Variants in TNS3 observed in about 807,000 individuals in gnomAD.
The protein encoded by TNS3 is tensin-3.
TNS3 carries 45 observed loss-of-function variants against 140.9 expected under a neutral mutation model. The observed-to-expected ratio is 0.32, with a 90% CI of 0.25 to 0.41. TNS3 has a LOEUF of 0.41. Among genes scored for constraint, TNS3 ranks in the 10% least tolerant of loss-of-function variants. TNS3 has a pLI of 1.00. For missense variants in TNS3, 1,716 were observed against 1,906.7 expected (o/e 0.90, Z 1.86); for synonymous variants, 815 against 788.4 (o/e 1.03, Z -0.56).
At chr7:47,292,610 G>A (rs898019193) in intron 26 of TNS3, among the ~76,000 whole-genome samples, 4 of 152,190 alleles carry the variant, frequency 2.6e-5, no homozygotes, top group African/African-American at 9.6e-5. Flanking sequence ...CAAAATCCAT[G>A]ATGTAAAGCT....
At chr7:47,505,159 A>T (rs56937912) in intron 3 of TNS3, among the ~76,000 whole-genome samples, 23,715 of 152,064 alleles carry the variant, frequency 0.16, 2,267 homozygotes, top group East Asian at 0.31. Flanking sequence ...AGGTGCAAGC[A>T]ATGCGGACAA....
intron 10 of TNS3, among the ~76,000 whole-genome samples, chr7:47,421,973 C>T (rs1794395483): frequency 6.6e-6 from 1 of 152,190 alleles, no homozygotes; most frequent in South Asian, 2.1e-4. Context: ...GCAGCGCACC[C>T]ATCCCACTCC....
chr7:47,518,401 C>T (rs1157987985), intron 2 of TNS3, among the ~76,000 whole-genome samples: 6 of 152,208 alleles, frequency 3.9e-5, no homozygotes, highest in African/African-American at 1.2e-4. Flanking sequence ...CACCTCCCCA[C>T]GCCAGATCTG....
intron 16 of TNS3, among the ~76,000 whole-genome samples, chr7:47,382,961 T>G (rs1791860491): frequency 6.6e-6 from 1 of 152,130 alleles, no homozygotes; most frequent in Non-Finnish European, 1.5e-5. Flanking sequence ...GGCAGTATGT[T>G]TAGTGCCACT....
In TNS3 at chr7:47,564,635, C is replaced by CAAA. The variant is rs749603752; in HGVS notation, c.-265+17413_-265+17415dup. ...TGGGCAACAGAGCAAGACTCCGTCT[C>CAAA]AAAAAAAAAAAAAACAAAAAAAAAC... On this transcript the variant is annotated intron_variant, in intron 1 of 30. Coordinates refer to ENST00000311160, the MANE Select transcript of TNS3 (RefSeq NM_022748.12). Among the ~76,000 whole-genome samples the CAAA allele has an allele frequency of 3.3e-3, 100 of 30,104 alleles. 2 individuals carry two copies. Among genetic ancestry groups the CAAA allele is most frequent in the East Asian group, 4.9e-3 (3 of 618 alleles). 19.7% of individuals were successfully genotyped at this position (30,104 alleles called of 152,430 possible).
intron 2 of TNS3, 75 bp from the exon 3 acceptor site, chr7:47,507,019 C>T: frequency 8.4e-7 from 1 of 1,195,740 alleles, no homozygotes; most frequent in Non-Finnish European, 1.1e-6. Context: ...TTCAAACCCT[C>T]TCAATCCTTC....
At chr7:47,472,554 G>T (rs550759475) in intron 4 of TNS3, among the ~76,000 whole-genome samples, 2 of 152,188 alleles carry the variant, frequency 1.3e-5, no homozygotes, top group East Asian at 3.9e-4. Context: ...AGCAGTCCAG[G>T]ACTGTGGCCC....
At chr7:47,395,085 A>G (rs1047148115) in intron 16 of TNS3, among the ~76,000 whole-genome samples, 2 of 152,204 alleles carry the variant, frequency 1.3e-5, no homozygotes, top group African/African-American at 4.8e-5. Flanking sequence ...CTCATGGTCA[A>G]TAACCCTCCA....
In TNS3 at chr7:47,368,972, T is replaced by A. The variant is rs769695105; in HGVS notation, c.1674A>T (p.Arg558=). The A allele has an allele frequency of 1.9e-6, 3 of 1,613,896 alleles. No individual in the cohort carries two copies. In the Admixed American group the frequency reaches 5.0e-5, roughly 27 times the overall value. ...PYERERTFGS[R]EPKQPQPLLR... is the part of the protein sequence containing the mutation. ...GCAGGGGCTGGGGCTGCTTGGGCTC[T>A]CGACTCCCAAAAGTCCGCTCCCGCT... is the stretch of plus-strand genomic sequence containing the variant. The change falls in exon 17 of 31, where the codon CGA becomes CGT. Residue 558 remains arginine, a synonymous_variant. Coordinates refer to ENST00000311160, the MANE Select transcript of TNS3 (RefSeq NM_022748.12).
chr7:47,482,981 A>G (rs563618801), intron 3 of TNS3, among the ~76,000 whole-genome samples: 2 of 152,262 alleles, frequency 1.3e-5, no homozygotes, highest in East Asian at 3.9e-4. Flanking sequence ...TCTGCTTGAC[A>G]CTATAAGGAT....
At chr7:47,378,697 C>G (rs1317215327) in intron 16 of TNS3, among the ~76,000 whole-genome samples, 1 of 152,080 alleles carries the variant, frequency 6.6e-6, no homozygotes. Context: ...CTGCTTAACC[C>G]ACAAGGTTAG....
At chr7:47,518,155 A>T (rs772837881) in intron 2 of TNS3, among the ~76,000 whole-genome samples, 3 of 152,134 alleles carry the variant, frequency 2.0e-5, no homozygotes, top group African/African-American at 7.2e-5. Flanking sequence ...CCATTTCCTC[A>T]GCCAGGTGCC....
At chr7:47,536,724 T>C (rs1430824071) in intron 1 of TNS3, among the ~76,000 whole-genome samples, 1 of 152,174 alleles carries the variant, frequency 6.6e-6, no homozygotes, top group African/African-American at 2.4e-5. Context: ...CTCCTTGTCC[T>C]GCGCGTGCAC....
intron 3 of TNS3, among the ~76,000 whole-genome samples, chr7:47,484,257 A>G (rs1404117048): frequency 6.6e-6 from 1 of 152,260 alleles, no homozygotes; most frequent in Non-Finnish European, 1.5e-5. Context: ...AAAAAGGGAC[A>G]TTCTAGAAGC....
At chr7:47,445,248 G>C (rs943838821) in intron 4 of TNS3, among the ~76,000 whole-genome samples, 1 of 152,118 alleles carries the variant, frequency 6.6e-6, no homozygotes, top group African/African-American at 2.4e-5. Flanking sequence ...CCACCTCCAA[G>C]GCATGTGGTG....
Position 47,407,430 on chromosome 7 carries a change from G to A in TNS3, c.723+4297C>T, listed in dbSNP as rs73092878. 3.6e-3 allele frequency among the ~76,000 whole-genome samples: 546 copies of A among 152,310 alleles called. No individual in the cohort carries two copies. Among genetic ancestry groups the A allele is most frequent in the Non-Finnish European group, 5.5e-3 (373 of 68,028 alleles). On this transcript the variant is annotated intron_variant, in intron 13 of 30. Coordinates refer to ENST00000311160, the MANE Select transcript of TNS3 (RefSeq NM_022748.12). The surrounding 1 kb of genome is among the most constrained non-coding windows in gnomAD (Gnocchi z 4.1). ...CAGGAGCCCTGCACTGCCCACTCACGTGTCCACCGCATCTTCTCATGCAGG... is the reference window on the plus strand; with the variant it reads ...CAGGAGCCCTGCACTGCCCACTCACATGTCCACCGCATCTTCTCATGCAGG...
chr7:47,481,364 T>C (rs1202288108), intron 3 of TNS3: 6 of 336,228 alleles, frequency 1.8e-5, no homozygotes, highest in South Asian at 5.1e-5. Flanking sequence ...ATGGAAACCA[T>C]GGGGCCTCCC....
rs953489765 is a variant in TNS3 at position 47,280,367 on chromosome 7, G to T, written c.4098-13C>A. ...CCGGAAGAAGAGCCTGTTGGGACAT[G>T]GGGGAGAGAGGATGGCTCCTGTTAC... On this transcript the variant is annotated splice_polypyrimidine_tract_variant and intron_variant, in intron 28 of 30. Transcript: ENST00000311160. The T allele has an allele frequency of 8.1e-6, 13 of 1,613,756 alleles. No individual in the cohort carries two copies. The highest frequency in any genetic ancestry group is 1.1e-5 in the Non-Finnish European group (13 of 1,179,764).
intron 17 of TNS3, among the ~76,000 whole-genome samples, chr7:47,346,825 T>A (rs1789374346): frequency 6.6e-6 from 1 of 152,132 alleles, no homozygotes; most frequent in South Asian, 2.1e-4. Context: ...ATAATTTGAA[T>A]CTTAGCAATG....
Sources: gnomAD v4.1 joint callset for allele counts (sites outside exome capture counted in the v4.1 genomes callset) on GRCh38, gnomAD v4.1.1 for gene constraint, Gnocchi (gnomAD v3.1) non-coding constraint, MANE v1.5 for transcripts, NCBI Gene and HGNC (gene_info 2026-07-23, HGNC 2026-07-21) for gene names.